The following ATP6V1C2 variants were observed in gnomAD, a reference collection of about 807,000 sequenced individuals.
ATP6V1C2 encodes the protein ATPase H+ transporting V1 subunit C2, also known as V-type proton ATPase subunit C 2.
Under a neutral mutation model 56.8 loss-of-function variants are expected in ATP6V1C2, and 45 were observed. That is an observed-to-expected ratio of 0.79 (90% CI 0.62 to 1.02). ATP6V1C2 has a LOEUF of 1.02. Among genes scored for constraint, ATP6V1C2 ranks in the 50% least tolerant of loss-of-function variants. The pLI is 0.00. For synonymous variants in ATP6V1C2, 220 were observed against 201.3 expected, an observed-to-expected ratio of 1.09 and a Z score of -0.79; for missense variants, 463 against 519.7, an observed-to-expected ratio of 0.89 and a Z score of 1.06.
chr2:10,739,903 C>A lies in ATP6V1C2; in HGVS notation c.197+13334C>A, dbSNP rs534414251. The stretch of plus-strand genomic sequence containing the variant: ...TCACTTGAGGTTAGGAGTTCAAGAC[C>A]AGCCTGGCCAACATGGTGAAACCTC... On this transcript the variant is annotated intron_variant, in intron 3 of 13. Transcript: ENST00000272238. 2.0e-5 allele frequency among the ~76,000 whole-genome samples: 3 copies of A among 152,022 alleles called. No individual in the cohort carries two copies. The East Asian group carries it at 5.8e-4, about 29-fold the overall frequency.
chr2:10,776,910 G>A (rs1665027966), intron 10 of ATP6V1C2, among the ~76,000 whole-genome samples: 1 of 152,186 alleles, frequency 6.6e-6, no homozygotes, highest in Non-Finnish European at 1.5e-5. Flanking sequence ...GGAGGTGGAG[G>A]CACTCTCAGC....
intron 6 of ATP6V1C2, among the ~76,000 whole-genome samples, 155 bp downstream of exon 6, chr2:10,768,965 G>A (rs1381803524): frequency 6.6e-6 from 1 of 152,202 alleles, no homozygotes; most frequent in Admixed American, 6.5e-5. Flanking sequence ...TCCAAGAGCC[G>A]CGTGCTGGGA....
intron 4 of ATP6V1C2, among the ~76,000 whole-genome samples, chr2:10,759,384 T>C (rs367794909): frequency 2.0e-3 from 311 of 152,320 alleles, no homozygotes; most frequent in Non-Finnish European, 3.6e-3. Context: ...GAGGCTTGTC[T>C]GGCTTGCTGG....
chr2:10,762,249 G>A (rs1663956547), intron 4 of ATP6V1C2, among the ~76,000 whole-genome samples: 2 of 151,466 alleles, frequency 1.3e-5, no homozygotes, highest in East Asian at 1.9e-4. Flanking sequence ...GGGTTCAAGC[G>A]ATTCTTCTGC....
rs566912473 is a variant in ATP6V1C2 at position 10,764,600 on chromosome 2, A to G, written c.378+175A>G. Among the ~76,000 whole-genome samples the G allele has an allele frequency of 8.5e-5, 13 of 152,324 alleles. No individual in the cohort carries two copies. The South Asian group carries it at 2.1e-3, about 24-fold the overall frequency. On this transcript the variant is annotated intron_variant, in intron 5 of 13. Coordinates refer to ENST00000272238, the MANE Select transcript of ATP6V1C2 (RefSeq NM_001039362.2). Reference sequence around the variant, plus strand: ...TTGGGGTTTCAGGGCAGCCCTGGACAGGGAAAGAGCCAGTCCCCTGGCCTC... The same window carrying G: ...TTGGGGTTTCAGGGCAGCCCTGGACGGGGAAAGAGCCAGTCCCCTGGCCTC...
In ATP6V1C2 at chr2:10,783,635, C is replaced by CAAAG. The variant is rs1246884080; in HGVS notation, c.*374_*377dup. On this transcript the variant is annotated 3_prime_UTR_variant, in exon 14 of 14. Coordinates refer to ENST00000272238, the MANE Select transcript of ATP6V1C2 (RefSeq NM_001039362.2). ...TAATAATTAGTCACTAGAGACAGCC[C>CAAAG]AAAGACAAATATTGGGCAGGAAATC... 1 of 169,234 alleles carries CAAAG rather than the reference C, an allele frequency of 5.9e-6. No individual in the cohort carries two copies. Among genetic ancestry groups the CAAAG allele is most frequent in the Non-Finnish European group, 1.3e-5 (1 of 79,414 alleles). The allele number at this position is 169,234 out of a possible 1,614,324, so 10.5% of individuals were successfully genotyped here.
intron 3 of ATP6V1C2, among the ~76,000 whole-genome samples, chr2:10,742,918 C>T (rs943129082): frequency 3.9e-5 from 6 of 152,262 alleles, no homozygotes; most frequent in Admixed American, 1.3e-4. Flanking sequence ...GCTGCCTGCC[C>T]AGCACCCAAA....
At chr2:10,776,288 C>G (rs955917524) in intron 10 of ATP6V1C2, among the ~76,000 whole-genome samples, 15 of 141,170 alleles carry the variant, frequency 1.1e-4, no homozygotes, top group African/African-American at 3.7e-4. Context: ...TGTGCGCGCG[C>G]ACGTGCATGT....
At chr2:10,756,123 G>A (rs557772557) in intron 4 of ATP6V1C2, among the ~76,000 whole-genome samples, 7 of 152,278 alleles carry the variant, frequency 4.6e-5, no homozygotes, top group South Asian at 2.1e-4. Context: ...TTAGGAGGCC[G>A]AGGCAGGCAG....
At chr2:10,729,575 G>C (rs1365957899) in intron 3 of ATP6V1C2, among the ~76,000 whole-genome samples, 1 of 152,138 alleles carries the variant, frequency 6.6e-6, no homozygotes, top group African/African-American at 2.4e-5. Flanking sequence ...GTAAGATCAG[G>C]CTGGGTGCCG....
At position 10,780,532 on chromosome 2, in the gene ATP6V1C2, G is replaced by A. The variant is rs916003858; in HGVS notation, c.1062-1711G>A. On this transcript the variant is annotated intron_variant, in intron 12 of 13. Transcript: ENST00000272238. The surrounding 1 kb of genome is among the most constrained non-coding windows in gnomAD (Gnocchi z 4.1). ...CACGCCCATCTCAAAAGCCTGTACC[G>A]ACACGGATGGCAGCATTGGGTTGGA... is the stretch of plus-strand genomic sequence containing the variant. 4.8e-4 allele frequency among the ~76,000 whole-genome samples: 73 copies of A among 152,186 alleles called. 1 individual carries two copies. The highest frequency in any genetic ancestry group is 2.1e-4 in the South Asian group (1 of 4,826).
intron 3 of ATP6V1C2, among the ~76,000 whole-genome samples, chr2:10,752,082 AC>A (rs200271819): frequency 6.6e-6 from 1 of 152,082 alleles, no homozygotes; most frequent in Non-Finnish European, 1.5e-5. Context: ...AACAACAACA[AC>A]AAAAAAACCT....
chr2:10,744,552 A>G (rs557902325), intron 3 of ATP6V1C2, among the ~76,000 whole-genome samples: 1 of 151,636 alleles, frequency 6.6e-6, no homozygotes, highest in Admixed American at 6.5e-5. Context: ...AAATTCTAGT[A>G]TCTGACACTT....
chr2:10,721,857 T>G (rs1661379776), intron 1 of ATP6V1C2, 126 bp downstream of exon 1: 2 of 152,330 alleles, frequency 1.3e-5, no homozygotes, highest in Admixed American at 6.5e-5. Context: ...CTCCGCGCGC[T>G]TCCCCGCGGC....
chr2:10,734,386 G>A (rs4669613), intron 3 of ATP6V1C2, among the ~76,000 whole-genome samples: 41,120 of 152,036 alleles, frequency 0.27, 5,899 homozygotes, highest in South Asian at 0.45. Flanking sequence ...TTGCCACAGT[G>A]GATTTTGACG....
intron 12 of ATP6V1C2, among the ~76,000 whole-genome samples, chr2:10,781,268 G>A (rs1031914944): frequency 6.6e-6 from 1 of 152,140 alleles, no homozygotes; most frequent in Non-Finnish European, 1.5e-5. Flanking sequence ...AAGCTTTAAG[G>A]ACGTGTCCTA....
chr2:10,749,528 T>G lies in ATP6V1C2; in HGVS notation c.198-4453T>G, dbSNP rs116344639. Among the ~76,000 whole-genome samples the G allele has an allele frequency of 6.9e-3, 1,050 of 152,270 alleles. 14 individuals carry two copies. The highest frequency in any genetic ancestry group is 0.024 in the African/African-American group (1,012 of 41,556). On this transcript the variant is annotated intron_variant, in intron 3 of 13. Coordinates refer to ENST00000272238, the MANE Select transcript of ATP6V1C2 (RefSeq NM_001039362.2). ...TTTCAGACATCAGATTGGCAGAGAT[T>G]AAAAAGATTCATAATACCTGTGTTG... is the stretch of plus-strand genomic sequence containing the variant.
rs1322276091 is a variant in ATP6V1C2 at position 10,722,907 on chromosome 2, G to A, written c.58G>A (p.Glu20Lys). The A allele has an allele frequency of 6.2e-7, 1 of 1,613,966 alleles. No homozygotes were observed. Among genetic ancestry groups the A allele is most frequent in the African/African-American group, 1.3e-5 (1 of 74,900 alleles). The change falls in exon 2 of 14, where the codon GAG becomes AAG. Residue 20 changes from glutamate to lysine, a missense_variant. Glu to Lys is a moderately conservative substitution (Grantham distance 56, BLOSUM62 1). Coordinates refer to ENST00000272238, the MANE Select transcript of ATP6V1C2 (RefSeq NM_001039362.2). The stretch of plus-strand genomic sequence containing the variant: ...CGATAAGGAAAATTTGCAAGCTCTG[G>A]AGAGGATGAATACTGTAACCTCCAA... The part of the protein sequence containing the change: ...PGDKENLQAL[E>K]RMNTVTSKSN...
chr2:10,772,730 C>A, intron 8 of ATP6V1C2, 120 bp downstream of exon 8: 1 of 838,088 alleles, frequency 1.2e-6, no homozygotes, highest in Non-Finnish European at 2.0e-6. Flanking sequence ...ACACCTGGGC[C>A]CTCTCCTGTC....
Sources: allele counts gnomAD v4.1 joint callset (sites outside exome capture counted in the v4.1 genomes callset), GRCh38; gene constraint gnomAD v4.1.1; non-coding constraint Gnocchi (gnomAD v3.1); transcripts MANE v1.5; gene names NCBI Gene and HGNC (gene_info 2026-07-23, HGNC 2026-07-21).